Variants in ATP6V1B1 observed in about 807,000 individuals in gnomAD.
The protein encoded by ATP6V1B1 is V-type proton ATPase subunit B, kidney isoform.
A neutral mutation model predicts 62.1 loss-of-function variants in ATP6V1B1; 41 were observed. The observed-to-expected ratio is 0.66, with a 90% CI of 0.51 to 0.86. The LOEUF (loss-of-function observed/expected upper bound fraction) is 0.86. Ranked by LOEUF, ATP6V1B1 falls within the 40% of genes least tolerant of loss-of-function variation. The pLI is 0.00. For missense variants in ATP6V1B1, 651 were observed against 697.5 expected, an observed-to-expected ratio of 0.93 and a Z score of 0.75; for synonymous variants, 253 against 273.4, an observed-to-expected ratio of 0.93 and a Z score of 0.74.
rs1422839616 is a variant in ATP6V1B1, at chr2:70,965,150, G to T, written c.*29G>T. On this transcript the variant is annotated 3_prime_UTR_variant, in exon 14 of 14. Transcript: ENST00000234396. ...CGCGCGCCGTGGCACCCCAACACCGGCAGGGAACCTACCCTCGGCTCCCGG... is the reference window on the plus strand; with the variant it reads ...CGCGCGCCGTGGCACCCCAACACCGTCAGGGAACCTACCCTCGGCTCCCGG... 2 of 1,602,776 alleles carry T rather than the reference G, an allele frequency of 1.2e-6. No homozygotes were observed.
intron 1 of ATP6V1B1, chr2:70,940,345 C>CCCCAACCAAAACA: frequency 1.1e-6 from 1 of 902,808 alleles, no homozygotes; most frequent in Non-Finnish European, 1.3e-6. Flanking sequence ...CCCACACCCC[C>CCCCAACCAAAACA]ACCTCCCTAT....
rs1008421664 is a variant in ATP6V1B1, at chr2:70,943,486, G to A, written c.119-172G>A. 63 of 755,472 alleles carry A rather than the reference G, an allele frequency of 8.3e-5. No individual in the cohort carries two copies. The African/African-American group carries it at 9.4e-4, about 11-fold the overall frequency. 46.8% of individuals were successfully genotyped at this position (755,472 alleles called of 1,614,324 possible). A position where few individuals can be genotyped will look rare whatever the true frequency, so the allele number is the denominator to read the frequency against. On this transcript the variant is annotated intron_variant, in intron 1 of 13. Coordinates refer to ENST00000234396, the MANE Select transcript of ATP6V1B1 (RefSeq NM_001692.4). ...GAGCAGCAGGGGCCCTGCGGGCAGG[G>A]GCATGACCCTTACAGCAATGGTGGC...
chr2:70,950,495 T>C (rs936346806), intron 2 of ATP6V1B1, among the ~76,000 whole-genome samples: 8 of 152,136 alleles, frequency 5.3e-5, no homozygotes, highest in Admixed American at 3.3e-4. Flanking sequence ...TAATTTTTTT[T>C]TGTACCTTTC....
chr2:70,962,985 G>A (rs1680627714), intron 9 of ATP6V1B1, 85 bp downstream of exon 9: 2 of 1,606,606 alleles, frequency 1.2e-6, no homozygotes, highest in Admixed American at 1.7e-5. Context: ...CAAATAGAGG[G>A]GAGCTGGTCC....
chr2:70,947,085 CAAATGTAAGA>C (rs1461713872), intron 2 of ATP6V1B1, among the ~76,000 whole-genome samples: 4 of 152,132 alleles, frequency 2.6e-5, no homozygotes, highest in Non-Finnish European at 5.9e-5. Flanking sequence ...CTTCCGTCCT[CAAATGTAAGA>C]ACATTTGAGG....
In ATP6V1B1 at chr2:70,960,070, C is replaced by G. The variant is rs782810024; in HGVS notation, c.577C>G (p.His193Asp). The change falls in exon 6 of 14, where the codon CAC becomes GAC. Residue 193 changes from histidine (H) to aspartate (D), a missense_variant. By Grantham distance (81) the His-to-Asp change is moderately conservative. Coordinates refer to ENST00000234396, the MANE Select transcript of ATP6V1B1 (RefSeq NM_001692.4). ...CATCTTCTCAGCAGCCGGGCTCCCC[C>G]ACAATGAGGTGAGGCCTGCAGGGCC... is the stretch of plus-strand genomic sequence containing the variant. ...IPIFSAAGLP[H>D]NEIAAQICRQ... 13 of 1,614,056 alleles carry G rather than the reference C, an allele frequency of 8.1e-6. No homozygotes were observed. Among genetic ancestry groups the G allele is most frequent in the South Asian group, 1.1e-5 (1 of 91,096 alleles).
At chr2:70,964,112 G>GTTTTTTTTTTTTTTTTTTTTT (rs1330555546) in intron 11 of ATP6V1B1, 4 of 157,310 alleles carry the variant, frequency 2.5e-5, no homozygotes, top group African/African-American at 1.6e-4. Flanking sequence ...TGCTTGGCAG[G>GTTTTTTTTTTTTTTTTTTTTT]TATTTTTTTT....
At position 70,936,113 on chromosome 2, in the gene ATP6V1B1, G is replaced by A. The variant is rs782257379; in HGVS notation, c.118+41G>A. The A allele has an allele frequency of 1.9e-6, 3 of 1,599,124 alleles. No individual in the cohort carries two copies. The South Asian group carries it at 3.3e-5, about 18-fold the overall frequency. ...ACCGTGACGGGTGAGGTCAGGGTGG[G>A]GAGCTGGGGTGGGCTGCCAGGTTCC... is the stretch of plus-strand genomic sequence containing the variant. On this transcript the variant is annotated intron_variant, in intron 1 of 13. Coordinates refer to ENST00000234396, the MANE Select transcript of ATP6V1B1 (RefSeq NM_001692.4).
chr2:70,951,439 C>T (rs1041722987), intron 2 of ATP6V1B1, among the ~76,000 whole-genome samples: 1 of 151,998 alleles, frequency 6.6e-6, no homozygotes, highest in Non-Finnish European at 1.5e-5. Flanking sequence ...TGGAATGTAG[C>T]ATTTTTTTTT....
chr2:70,946,849 G>A (rs572042752), intron 2 of ATP6V1B1, among the ~76,000 whole-genome samples: 1 of 152,240 alleles, frequency 6.6e-6, no homozygotes, highest in African/African-American at 2.4e-5. Context: ...AAATGAGGCC[G>A]ATCTAGGAAA....
intron 12 of ATP6V1B1, 34 bp from the exon 13 acceptor site, chr2:70,964,702 C>A: frequency 6.2e-7 from 1 of 1,612,908 alleles, no homozygotes; most frequent in South Asian, 1.1e-5. Flanking sequence ...GTGGTAAGCC[C>A]GCAGCGGCCA....
chr2:70,955,319 G>A (rs1680408287), intron 2 of ATP6V1B1, among the ~76,000 whole-genome samples: 1 of 152,222 alleles, frequency 6.6e-6, no homozygotes, highest in Admixed American at 6.5e-5. Context: ...AGCTACCTGA[G>A]TATCTGGGAC....
chr2:70,940,781 G>C (rs1553416281), intron 1 of ATP6V1B1: 2 of 985,432 alleles, frequency 2.0e-6, no homozygotes, highest in Non-Finnish European at 2.4e-6. Context: ...GGCTTGGGAA[G>C]GTCGGGAGGG....
chr2:70,943,757 A>G (rs1553416835), intron 2 of ATP6V1B1, 44 bp downstream of exon 2: 1 of 1,608,782 alleles, frequency 6.2e-7, no homozygotes, highest in Non-Finnish European at 8.5e-7. Flanking sequence ...GCCAAATCCC[A>G]GGGCGCCTCT....
At chr2:70,943,810 A>G (rs1680074314) in intron 2 of ATP6V1B1, 97 bp downstream of exon 2, 1 of 1,512,194 alleles carries the variant, frequency 6.6e-7, no homozygotes, top group African/African-American at 1.4e-5. Context: ...CTTTCCCTCC[A>G]TGGCCCCCAG....
intron 2 of ATP6V1B1, among the ~76,000 whole-genome samples, chr2:70,953,138 G>A (rs1321716289): frequency 3.3e-5 from 5 of 152,040 alleles, no homozygotes; most frequent in Non-Finnish European, 5.9e-5. Flanking sequence ...GGCTAATTTT[G>A]TATTTTTAGT....
chr2:70,936,498 G>A (rs1474558881), intron 1 of ATP6V1B1, among the ~76,000 whole-genome samples: 3 of 152,060 alleles, frequency 2.0e-5, no homozygotes, highest in East Asian at 3.9e-4. Flanking sequence ...GTGTGGCAGT[G>A]CAGAGTGTCA....
intron 1 of ATP6V1B1, 166 bp from the exon 2 acceptor site, chr2:70,943,492 A>G: frequency 1.3e-6 from 1 of 769,706 alleles, no homozygotes; most frequent in Non-Finnish European, 2.2e-6. Flanking sequence ...CAGGGGCATG[A>G]CCCTTACAGC....
At chr2:70,958,813 T>C (rs1454078372) in intron 4 of ATP6V1B1, among the ~76,000 whole-genome samples, 1 of 152,150 alleles carries the variant, frequency 6.6e-6, no homozygotes, top group East Asian at 1.9e-4. Context: ...GCCTTGCCTG[T>C]AAAGGTTTCC....
Sources: gnomAD v4.1 joint callset for allele counts (sites outside exome capture counted in the v4.1 genomes callset) on GRCh38, gnomAD v4.1.1 for gene constraint, MANE v1.5 for transcripts, NCBI Gene and HGNC (gene_info 2026-07-23, HGNC 2026-07-21) for gene names.